TMTC3: variants seen among roughly 807,000 people sequenced by gnomAD.
The protein encoded by TMTC3 is transmembrane O-mannosyltransferase targeting cadherins 3, also known as protein O-mannosyl-transferase TMTC3.
In TMTC3, 52 loss-of-function variants were observed where a neutral mutation model predicts 92.2. The observed-to-expected ratio is 0.56, with a 90% CI of 0.45 to 0.71. The LOEUF is 0.71. Ranked by LOEUF, TMTC3 falls within the 30% of genes least tolerant of loss-of-function variation. TMTC3 has a pLI of 0.00. For synonymous variants in TMTC3, 339 were observed against 363.3 expected (o/e 0.93, Z 0.76); for missense variants, 896 against 1,057.1 (o/e 0.85, Z 2.11).
At chr12:88,161,068 C>A (rs2041072717) in intron 6 of TMTC3, among the ~76,000 whole-genome samples, 1 of 152,046 alleles carries the variant, frequency 6.6e-6, no homozygotes, top group African/African-American at 2.4e-5. Flanking sequence ...TAATGAATGA[C>A]CCATCCCAAA....
At chr12:88,154,439 G>A (rs2040981770) in intron 4 of TMTC3, 52 bp downstream of exon 4, 5 of 1,300,734 alleles carry the variant, frequency 3.8e-6, no homozygotes, top group Admixed American at 4.7e-5. Context: ...CTTGATTAAG[G>A]AATTTTTATT....
At position 88,144,506 on chromosome 12, in the gene TMTC3, G is replaced by A. The variant is rs150344817; in HGVS notation, c.-29+2019G>A. On this transcript the variant is annotated intron_variant, in intron 1 of 13. Transcript: ENST00000266712. ...TCTACCCTTCTGCCACCACCCTCTT[G>A]CTCACATTCATAAACTCAAGGTGCC... is the stretch of plus-strand genomic sequence containing the variant. Among the ~76,000 whole-genome samples, 857 of 150,984 alleles carry A rather than the reference G, an allele frequency of 5.7e-3. 14 individuals are homozygous for A. Among genetic ancestry groups the A allele is most frequent in the African/African-American group, 0.02 (802 of 41,066 alleles).
intron 7 of TMTC3, among the ~76,000 whole-genome samples, chr12:88,172,278 A>G (rs1164005114): frequency 6.6e-6 from 1 of 152,038 alleles, no homozygotes; most frequent in Non-Finnish European, 1.5e-5. Context: ...TTTAATTTCA[A>G]GGAGTAATCA....
At chr12:88,170,940 T>G (rs1039531371) in intron 7 of TMTC3, among the ~76,000 whole-genome samples, 1 of 152,230 alleles carries the variant, frequency 6.6e-6, no homozygotes, top group South Asian at 2.1e-4. Context: ...CATTTCAATG[T>G]TCAGTGTTAT....
At chr12:88,167,071 C>T (rs1231799035) in intron 7 of TMTC3, among the ~76,000 whole-genome samples, 1 of 148,870 alleles carries the variant, frequency 6.7e-6, no homozygotes, top group African/African-American at 2.5e-5. Flanking sequence ...ACTTCATACT[C>T]ATAAGAGTTA....
intron 10 of TMTC3, among the ~76,000 whole-genome samples, chr12:88,183,334 C>T (rs966778956): frequency 6.6e-6 from 1 of 152,186 alleles, no homozygotes; most frequent in African/African-American, 2.4e-5. Context: ...TTTTCCTTAT[C>T]TCTTTATAAG....
chr12:88,158,607 C>G (rs1253529492), intron 4 of TMTC3, among the ~76,000 whole-genome samples: 1 of 151,134 alleles, frequency 6.6e-6, no homozygotes, highest in Non-Finnish European at 1.5e-5. Context: ...TAATTTTAGT[C>G]TACAGAGTAC....
intron 12 of TMTC3, among the ~76,000 whole-genome samples, chr12:88,192,014 C>CTTTTTTTTTTT: frequency 8.9e-6 from 1 of 112,244 alleles, no homozygotes; most frequent in African/African-American, 4.5e-5. Context: ...CAGCATTTTT[C>CTTTTTTTTTTT]TTTTTTTTTT....
In TMTC3 at chr12:88,179,209, T is replaced by A. The variant is rs2041290663; in HGVS notation, c.1432+2890T>A. On this transcript the variant is annotated intron_variant, in intron 10 of 13. Transcript: ENST00000266712. ...CTGAGGTTTCTTGGCTTATTCCATG[T>A]TTTTTTAAGCTGTATTCTTCCTAGA... 2.0e-5 allele frequency among the ~76,000 whole-genome samples: 3 copies of A among 152,140 alleles called. No individual in the cohort carries two copies. The South Asian group carries it at 6.2e-4, about 32-fold the overall frequency.
At chr12:88,161,057 A>G (rs2041072607) in intron 6 of TMTC3, among the ~76,000 whole-genome samples, 1 of 152,164 alleles carries the variant, frequency 6.6e-6, no homozygotes, top group African/African-American at 2.4e-5. Context: ...CACAATAAAG[A>G]TAATGAATGA....
At chr12:88,180,723 G>C (rs2041308742) in intron 10 of TMTC3, among the ~76,000 whole-genome samples, 1 of 151,920 alleles carries the variant, frequency 6.6e-6, no homozygotes, top group Non-Finnish European at 1.5e-5. Context: ...ACCATAGTAT[G>C]GTTTGATGCA....
chr12:88,161,237 T>G (rs1388862027), intron 6 of TMTC3, among the ~76,000 whole-genome samples: 1 of 152,128 alleles, frequency 6.6e-6, no homozygotes, highest in Non-Finnish European at 1.5e-5. Flanking sequence ...GTTTTGTGCG[T>G]TTTTGAAGCT....
chr12:88,171,364 A>T (rs1032825891), intron 7 of TMTC3, among the ~76,000 whole-genome samples: 1 of 151,888 alleles, frequency 6.6e-6, no homozygotes, highest in East Asian at 1.9e-4. Flanking sequence ...CCTCTCCCCA[A>T]CCTTCTCCCT....
chr12:88,165,280 G>A (rs1410015276), intron 6 of TMTC3, among the ~76,000 whole-genome samples: 2 of 151,940 alleles, frequency 1.3e-5, no homozygotes, highest in African/African-American at 2.4e-5. Context: ...CTTTAAATCA[G>A]CTATCCTAAA....
chr12:88,172,899 T>G, intron 8 of TMTC3, 154 bp downstream of exon 8: 1 of 1,507,432 alleles, frequency 6.6e-7, no homozygotes, highest in Non-Finnish European at 8.9e-7. Flanking sequence ...TAAGTCAAGT[T>G]AGGAAAGCTC....
chr12:88,158,998 A>G (rs1335350514), intron 4 of TMTC3, among the ~76,000 whole-genome samples: 2 of 151,010 alleles, frequency 1.3e-5, no homozygotes, highest in East Asian at 3.9e-4. Context: ...GTTGCAGTGA[A>G]CTGAGACCGT....
chr12:88,153,240 C>A, intron 2 of TMTC3, 51 bp from the exon 3 acceptor site: 1 of 1,287,442 alleles, frequency 7.8e-7, no homozygotes, highest in African/African-American at 1.5e-5. Flanking sequence ...AGCTTTTGTA[C>A]CCTGTTGGAC....
chr12:88,153,452 C>G lies in TMTC3; in HGVS notation c.351C>G (p.Asn117Lys). ...AAGTATGCAAACTTTTTCTGGACAA[C>G]AAGAGTAGTGTGATTGCTTCTTTAC... ...FLKVCKLFLD[N>K]KSSVIASLLF... Residue 117 changes from asparagine (N) to lysine (K), a missense_variant, in exon 3 of 14, where the codon AAC (asparagine) becomes AAG (lysine). Physicochemically the swap from Asn to Lys is moderately conservative, Grantham distance 94. Transcript: ENST00000266712. The G allele has an allele frequency of 2.5e-6, 4 of 1,613,496 alleles. No individual in the cohort carries two copies. The highest frequency in any genetic ancestry group is 3.4e-6 in the Non-Finnish European group (4 of 1,179,726).
intron 10 of TMTC3, 52 bp downstream of exon 10, chr12:88,176,371 G>T (rs1332620286): frequency 1.5e-6 from 2 of 1,348,284 alleles, no homozygotes; most frequent in South Asian, 1.3e-5. Flanking sequence ...AAAAAGTTTT[G>T]ATTATCCTTG....
Sources: gnomAD v4.1 joint callset for allele counts (sites outside exome capture counted in the v4.1 genomes callset) on GRCh38, gnomAD v4.1.1 for gene constraint, MANE v1.5 for transcripts, NCBI Gene and HGNC (gene_info 2026-07-23, HGNC 2026-07-21) for gene names.